The following KRT3 variants were observed in gnomAD, a reference collection of about 807,000 sequenced individuals.
KRT3 encodes the protein keratin 3.
KRT3 carries 34 observed loss-of-function variants against 45.8 expected under a neutral mutation model. The ratio of observed to expected loss-of-function variants is 0.74; its 90% confidence interval spans 0.57 to 0.99. KRT3 has a LOEUF of 0.99. Among genes scored for constraint, KRT3 ranks in the 50% least tolerant of loss-of-function variants. The probability of loss-of-function intolerance (pLI) is 0.00; values close to 1 mark genes in which losing one functional copy is unlikely to be tolerated. For missense variants in KRT3, 828 were observed against 820.6 expected (o/e 1.01, Z -0.11); for synonymous variants, 367 against 329.0 (o/e 1.12, Z -1.25).
rs1315499534 is a variant in KRT3 at position 52,793,983 on chromosome 12, A to C, written c.866+128T>G. ...AACTGAATGAACCAAGCTGTCCTTC[A>C]TGAAGGTAAGGAGAGGGAAATGGGC... On this transcript the variant is annotated intron_variant, in intron 2 of 8. Transcript: ENST00000417996. The C allele has an allele frequency of 8.7e-6, 6 of 690,124 alleles. No homozygotes were observed. In the Admixed American group the frequency reaches 1.2e-4, roughly 14 times the overall value. 42.8% of individuals were successfully genotyped at this position (690,124 alleles called of 1,614,324 possible). A position where few individuals can be genotyped will look rare whatever the true frequency, so the allele number is the denominator to read the frequency against.
chr12:52,794,053 C>A (rs1176817907), intron 2 of KRT3, 58 bp downstream of exon 2: 9 of 1,391,286 alleles, frequency 6.5e-6, no homozygotes, highest in South Asian at 1.2e-5. Context: ...GTAGAAGGGG[C>A]CAAGACTCTG....
chr12:52,791,488 G>A, intron 6 of KRT3, 62 bp from the exon 7 acceptor site: 1 of 1,540,036 alleles, frequency 6.5e-7, no homozygotes, highest in East Asian at 2.3e-5. Flanking sequence ...TTCCTGACAT[G>A]CAATGGATTA....
chr12:52,794,309 T>C lies in KRT3; in HGVS notation c.668A>G (p.Asn223Ser). 6.2e-7 allele frequency: 1 copy of C among 1,614,042 alleles called. No individual in the cohort carries two copies. Among genetic ancestry groups the C allele is most frequent in the Non-Finnish European group, 8.5e-7 (1 of 1,180,004 alleles). ...IDKVRFLEQQ[N>S]KVLETKWNLL... is the part of the protein sequence containing the mutation. ...GTTCCACTTGGTCTCCAGGACTTTG[T>C]TCTGTTGCTCCAGGAACCGCACCTG... Residue 223 changes from asparagine (N) to serine (S), a missense_variant, in exon 2 of 9, where the codon AAC becomes AGC. Coordinates refer to ENST00000417996, the MANE Select transcript of KRT3 (RefSeq NM_057088.3).
intron 1 of KRT3, among the ~76,000 whole-genome samples, chr12:52,794,556 A>G (rs1292634403): frequency 6.6e-6 from 1 of 152,206 alleles, no homozygotes; most frequent in East Asian, 1.9e-4. Flanking sequence ...AAGGAAGGGG[A>G]AGTAGCTCCT....
chr12:52,790,039 T>A lies in KRT3; in HGVS notation c.*3A>T, dbSNP rs900188870. 4 of 1,538,432 alleles carry A rather than the reference T, an allele frequency of 2.6e-6. No individual in the cohort carries two copies. The highest frequency in any genetic ancestry group is 3.5e-6 in the Non-Finnish European group (4 of 1,146,794). On this transcript the variant is annotated 3_prime_UTR_variant, in exon 9 of 9. Transcript: ENST00000417996. Reference sequence around the variant, plus strand: ...GAGTGGCTGCGATGCTGATGCGTGCTCTTTATCTGGAGTAGCGCTGGGAGG... The same window carrying A: ...GAGTGGCTGCGATGCTGATGCGTGCACTTTATCTGGAGTAGCGCTGGGAGG...
chr12:52,792,173 C>T, intron 5 of KRT3, 66 bp downstream of exon 5: 1 of 1,389,884 alleles, frequency 7.2e-7, no homozygotes, highest in East Asian at 2.3e-5. Context: ...CACTACCCAG[C>T]TGTCCAATAG....
chr12:52,794,232 G>A lies in KRT3; in HGVS notation c.745C>T (p.Pro249Ser). ...SSISGTNNLE[P>S]LFENHINYLR... ...TAGTTGATGTGATTCTCAAAAAGAG[G>A]CTCAAGGTTGTTTGTGCCTGAGATG... The change falls in exon 2 of 9, where the codon CCT (proline) becomes TCT (serine). Residue 249 changes from proline (P) to serine (S), a missense_variant. By Grantham distance (74) the Pro-to-Ser change is moderately conservative (BLOSUM62 -1). Transcript: ENST00000417996. 2 of 1,614,166 alleles carry A rather than the reference G, an allele frequency of 1.2e-6. No homozygotes were observed. The highest frequency in any genetic ancestry group is 1.7e-6 in the Non-Finnish European group (2 of 1,179,982).
In KRT3 at chr12:52,791,394, G is replaced by C. The variant is rs267603528; in HGVS notation, c.1347C>G (p.Ala449=). ...NANLQTAIAE[A]EQHGEMALKD... Reference sequence around the variant, plus strand: ...TGAGGGCCATCTCTCCATGCTGCTCGGCCTCGGCAATGGCCGTCTGCAGGT... The same window carrying C: ...TGAGGGCCATCTCTCCATGCTGCTCCGCCTCGGCAATGGCCGTCTGCAGGT... Residue 449 remains alanine (A), a synonymous_variant, in exon 7 of 9, where the codon GCC becomes GCG. Coordinates refer to ENST00000417996, the MANE Select transcript of KRT3 (RefSeq NM_057088.3). The C allele has an allele frequency of 3.7e-6, 6 of 1,614,082 alleles. No individual in the cohort carries two copies. Among genetic ancestry groups the C allele is most frequent in the African/African-American group, 1.3e-5 (1 of 74,944 alleles).
At chr12:52,790,694 A>G (rs1939471326) in intron 8 of KRT3, 144 bp downstream of exon 8, 1 of 827,586 alleles carries the variant, frequency 1.2e-6, no homozygotes, top group South Asian at 1.4e-5. Context: ...CAGAACAATT[A>G]CAAAAGCCAA....
intron 2 of KRT3, 142 bp downstream of exon 2, chr12:52,793,969 C>T (rs1259140263): frequency 3.0e-6 from 2 of 656,040 alleles, no homozygotes; most frequent in African/African-American, 3.6e-5. Context: ...ACTGAATGAA[C>T]CAAGCTGTCC....
At chr12:52,793,475 T>A (rs544107377) in intron 2 of KRT3, among the ~76,000 whole-genome samples, 1 of 152,340 alleles carries the variant, frequency 6.6e-6, no homozygotes, top group South Asian at 2.1e-4. Context: ...GGCAAACCTC[T>A]GGATGGTTGA....
chr12:52,792,134 A>G, intron 5 of KRT3, 105 bp downstream of exon 5: 4 of 961,024 alleles, frequency 4.2e-6, no homozygotes, highest in Non-Finnish European at 3.1e-6. Flanking sequence ...TAAAACCAAA[A>G]GGCATTCACC....
Position 52,793,197 on chromosome 12 carries a change from G to T in KRT3, c.893C>A (p.Thr298Lys). The T allele has an allele frequency of 6.2e-7, 1 of 1,610,344 alleles. No individual in the cohort carries two copies. The highest frequency in any genetic ancestry group is 8.5e-7 in the Non-Finnish European group (1 of 1,178,126). Residue 298 changes from threonine (T) to lysine (K), a missense_variant, in exon 3 of 9, where the codon ACA (threonine) becomes AAA (lysine). Coordinates refer to ENST00000417996, the MANE Select transcript of KRT3 (RefSeq NM_057088.3). ...KKYEDEINKR[T>K]AAENEFVTLK... The stretch of plus-strand genomic sequence containing the variant: ...AGTCACAAATTCATTCTCAGCAGCT[G>T]TACGTTTATTGATTTCATCCTCATA...
chr12:52,792,231 G>A lies in KRT3; in HGVS notation c.1188+8C>T, dbSNP rs1273480282. The stretch of plus-strand genomic sequence containing the variant: ...CAGTGGATCCCGTAAGAGGTGACTA[G>A]CACCCACCTTGGTCTGGTACAGGGC... On this transcript the variant is annotated splice_region_variant and intron_variant, in intron 5 of 8. Transcript: ENST00000417996. The A allele has an allele frequency of 6.2e-7, 1 of 1,612,220 alleles. No individual in the cohort carries two copies. Among genetic ancestry groups the A allele is most frequent in the Non-Finnish European group, 8.5e-7 (1 of 1,178,444 alleles).
intron 8 of KRT3, 87 bp from the exon 9 acceptor site, chr12:52,790,445 T>G: frequency 7.7e-7 from 1 of 1,299,300 alleles, no homozygotes. Flanking sequence ...GGCCCACGAC[T>G]ATCCAGAGCT....
Position 52,789,964 on chromosome 12 carries a change from G to T in KRT3, c.*78C>A, listed in dbSNP as rs907023531. On this transcript the variant is annotated 3_prime_UTR_variant, in exon 9 of 9. Transcript: ENST00000417996. ...GCGTTCTTGGGGAGCATGGGGTGGC[G>T]CTGGGGGTGTTGCCAATATGGGGGC... The T allele has an allele frequency of 7.1e-6, 10 of 1,400,192 alleles. No homozygotes were observed. The highest frequency in any genetic ancestry group is 7.1e-5 in the African/African-American group (5 of 70,404). 86.7% of individuals were successfully genotyped at this position (1,400,192 alleles called of 1,614,324 possible).
In KRT3 at chr12:52,790,089, T is replaced by C. The variant is rs983592929; in HGVS notation, c.1840A>G (p.Ile614Val). The C allele has an allele frequency of 6.5e-7, 1 of 1,542,020 alleles. No homozygotes were observed. The highest frequency in any genetic ancestry group is 1.4e-5 in the African/African-American group (1 of 72,928). The change falls in exon 9 of 9, where the codon ATC becomes GTC. Residue 614 changes from isoleucine (I) to valine (V), a missense_variant. Physicochemically the swap from Ile to Val is conservative, Grantham distance 29. Coordinates refer to ENST00000417996, the MANE Select transcript of KRT3 (RefSeq NM_057088.3). ...FSSASNRGGS[I>V]KFSQSSQSSQ... Reference sequence around the variant, plus strand: ...GACTGGGAGGACTGGGAGAACTTGATGCTGCCGCCCCGGTTGCTGGCCGAG... The same window carrying C: ...GACTGGGAGGACTGGGAGAACTTGACGCTGCCGCCCCGGTTGCTGGCCGAG...
At chr12:52,792,903 G>A (rs887228781) in intron 3 of KRT3, 97 bp from the exon 4 acceptor site, 6 of 829,232 alleles carry the variant, frequency 7.2e-6, no homozygotes, top group African/African-American at 5.1e-5. Flanking sequence ...GTGCAGTGAT[G>A]GTCCTTGTCT....
chr12:52,792,181 T>A (rs1006995940), intron 5 of KRT3, 58 bp downstream of exon 5: 19 of 1,477,164 alleles, frequency 1.3e-5, no homozygotes, highest in Non-Finnish European at 1.5e-5. Flanking sequence ...AGCTGTCCAA[T>A]AGGCCATGGC....
Sources: allele counts gnomAD v4.1 joint callset (sites outside exome capture counted in the v4.1 genomes callset), GRCh38; gene constraint gnomAD v4.1.1; transcripts MANE v1.5; gene names NCBI Gene and HGNC (gene_info 2026-07-23, HGNC 2026-07-21).